ARFIP1: variants seen among roughly 807,000 people sequenced by gnomAD.
The protein encoded by ARFIP1 is arfaptin-1.
ARFIP1 carries 24 observed loss-of-function variants against 42.5 expected under a neutral mutation model. The ratio of observed to expected loss-of-function variants is 0.57; its 90% confidence interval spans 0.41 to 0.80. ARFIP1 has a LOEUF of 0.80. Ranked by LOEUF, ARFIP1 falls within the 30% of genes least tolerant of loss-of-function variation. The pLI, the probability that ARFIP1 is intolerant of heterozygous loss-of-function variation, is 0.00. For missense variants in ARFIP1, 354 were observed against 434.0 expected (o/e 0.82, Z 1.64); for synonymous variants, 141 against 153.7 (o/e 0.92, Z 0.61).
intron 8 of ARFIP1, among the ~76,000 whole-genome samples, chr4:152,904,458 G>A (rs1738134106): frequency 6.6e-6 from 1 of 151,932 alleles, no homozygotes; most frequent in Admixed American, 6.6e-5. Flanking sequence ...CCAAAGTGCT[G>A]GGATTATAGG....
At chr4:152,856,368 C>T (rs2149871119) in intron 2 of ARFIP1, among the ~76,000 whole-genome samples, 1 of 152,238 alleles carries the variant, frequency 6.6e-6, no homozygotes, top group African/African-American at 2.4e-5. Flanking sequence ...TTCTGTATCC[C>T]AGGGTCCACA....
chr4:152,819,536 G>T (rs1169333748), intron 1 of ARFIP1, among the ~76,000 whole-genome samples: 1 of 152,150 alleles, frequency 6.6e-6, no homozygotes, highest in African/African-American at 2.4e-5. Flanking sequence ...GAGTATGGCA[G>T]CTTCACTGGG....
At chr4:152,897,748 A>G (rs545559922) in intron 8 of ARFIP1, among the ~76,000 whole-genome samples, 1 of 152,246 alleles carries the variant, frequency 6.6e-6, no homozygotes, top group African/African-American at 2.4e-5. Flanking sequence ...CAGGTTTGTG[A>G]TAAAGGTGAG....
chr4:152,785,916 A>G (rs1213863625), intron 1 of ARFIP1, among the ~76,000 whole-genome samples: 4 of 152,220 alleles, frequency 2.6e-5, no homozygotes, highest in Non-Finnish European at 5.9e-5. Context: ...TGGACAGTGC[A>G]AATTTAGAAC....
intron 2 of ARFIP1, among the ~76,000 whole-genome samples, chr4:152,843,701 A>G (rs1732295671): frequency 6.6e-6 from 1 of 152,050 alleles, no homozygotes; most frequent in Admixed American, 6.6e-5. Context: ...AAGTGGGGGA[A>G]AGCCGGCAGT....
intron 2 of ARFIP1, 71 bp downstream of exon 2, chr4:152,829,797 A>G: frequency 1.6e-6 from 2 of 1,214,390 alleles, no homozygotes; most frequent in Admixed American, 4.6e-5. Flanking sequence ...TGAAAGTAAT[A>G]GACAAAATTT....
chr4:152,867,677 C>T (rs1389846900), intron 3 of ARFIP1, among the ~76,000 whole-genome samples: 1 of 151,970 alleles, frequency 6.6e-6, no homozygotes, highest in Non-Finnish European at 1.5e-5. Context: ...ATCAGTTGGC[C>T]ATCATGAACT....
At chr4:152,891,056 G>A (rs1736805651) in intron 8 of ARFIP1, among the ~76,000 whole-genome samples, 1 of 152,154 alleles carries the variant, frequency 6.6e-6, no homozygotes, top group South Asian at 2.1e-4. Flanking sequence ...ATGGCTCCTT[G>A]CTATATCCTC....
rs969583343 is a variant in ARFIP1 at position 152,807,584 on chromosome 4, C to T, written c.-9-22041C>T. 5.9e-5 allele frequency among the ~76,000 whole-genome samples: 9 copies of T among 151,962 alleles called. No homozygotes were observed. In the South Asian group the frequency reaches 8.3e-4, roughly 14 times the overall value. The stretch of plus-strand genomic sequence containing the variant: ...CTTTCATTTGTGAAGTGTTCTGTTA[C>T]GTTTTGGCCATTTTTCATTTGTGTT... On this transcript the variant is annotated intron_variant, in intron 1 of 8. Coordinates refer to ENST00000353617, the MANE Select transcript of ARFIP1 (RefSeq NM_001025595.3).
intron 1 of ARFIP1, among the ~76,000 whole-genome samples, chr4:152,799,156 T>A (rs570911306): frequency 2.6e-5 from 4 of 152,362 alleles, no homozygotes; most frequent in South Asian, 2.1e-4. Context: ...TTTTTACATT[T>A]TGCCAAATAA....
intron 8 of ARFIP1, among the ~76,000 whole-genome samples, chr4:152,895,667 C>T (rs529826210): frequency 3.3e-5 from 5 of 149,476 alleles, no homozygotes; most frequent in African/African-American, 1.2e-4. Context: ...CTCAAGCACT[C>T]CTCCCACCTC....
rs72968478 is a variant in ARFIP1 at position 152,898,905 on chromosome 4, A to G, written c.966+10598A>G. Among the ~76,000 whole-genome samples the G allele has an allele frequency of 9.1e-3, 1,392 of 152,316 alleles. 15 individuals carry two copies. The highest frequency in any genetic ancestry group is 0.03 in the African/African-American group (1,247 of 41,564). The stretch of plus-strand genomic sequence containing the variant: ...ACTACTTACAGGCTTTTTGAAAAGA[A>G]GAGTAATTGTTTTGTCCTAACAAAT... On this transcript the variant is annotated intron_variant, in intron 8 of 8. Transcript: ENST00000353617.
At chr4:152,816,111 G>A (rs1314176619) in intron 1 of ARFIP1, among the ~76,000 whole-genome samples, 2 of 152,112 alleles carry the variant, frequency 1.3e-5, no homozygotes, top group African/African-American at 4.8e-5. Flanking sequence ...CTCTTGCCTA[G>A]ACTATTCCAG....
chr4:152,903,899 T>A lies in ARFIP1; in HGVS notation c.967-6165T>A, dbSNP rs191569702. On this transcript the variant is annotated intron_variant, in intron 8 of 8. Coordinates refer to ENST00000353617, the MANE Select transcript of ARFIP1 (RefSeq NM_001025595.3). The stretch of plus-strand genomic sequence containing the variant: ...CATTTGCAGGGCTAGTTAAAAATTT[T>A]TGGATGCCCTTCCCACTTTCTTTCT... Among the ~76,000 whole-genome samples, 3 of 152,240 alleles carry A rather than the reference T, an allele frequency of 2.0e-5. No individual in the cohort carries two copies. The East Asian group carries it at 5.8e-4, about 29-fold the overall frequency.
intron 2 of ARFIP1, among the ~76,000 whole-genome samples, chr4:152,861,255 G>A (rs934271868): frequency 2.6e-5 from 4 of 152,168 alleles, no homozygotes; most frequent in Admixed American, 2.6e-4. Flanking sequence ...GTAGAGAAAA[G>A]CATGACTCCA....
chr4:152,881,094 A>G lies in ARFIP1; in HGVS notation c.543A>G (p.Thr181=), dbSNP rs533435202. 2.4e-5 allele frequency: 38 copies of G among 1,613,988 alleles called. No homozygotes were observed. Among genetic ancestry groups the G allele is most frequent in the African/African-American group, 4.0e-5 (3 of 75,050 alleles). The change falls in exon 6 of 9, where the codon ACA becomes ACG. Residue 181 remains threonine, a synonymous_variant. Transcript: ENST00000353617. ...AAAATATTTTAAAACTGGCTCAAAC[A>G]TTGTCGACCCAGCTTTTCCAGATGG... is the stretch of plus-strand genomic sequence containing the variant. ...KYENILKLAQ[T]LSTQLFQMVH...
chr4:152,815,137 G>C (rs765384024), intron 1 of ARFIP1, among the ~76,000 whole-genome samples: 3 of 151,952 alleles, frequency 2.0e-5, no homozygotes, highest in Non-Finnish European at 4.4e-5. Flanking sequence ...CTGTATCTCA[G>C]ATTTTGGGAT....
In ARFIP1 at chr4:152,836,055, C is replaced by G. The variant is rs184635103; in HGVS notation, c.93+6329C>G. Reference sequence around the variant, plus strand: ...TGATCCAGTCACCTCCCTCCTAGCACCATCTCCAACATTGAGAATCACATT... The same window carrying G: ...TGATCCAGTCACCTCCCTCCTAGCAGCATCTCCAACATTGAGAATCACATT... On this transcript the variant is annotated intron_variant, in intron 2 of 8. Coordinates refer to ENST00000353617, the MANE Select transcript of ARFIP1 (RefSeq NM_001025595.3). Among the ~76,000 whole-genome samples, 242 of 152,280 alleles carry G rather than the reference C, an allele frequency of 1.6e-3. 1 individual carries two copies. Among genetic ancestry groups the G allele is most frequent in the Non-Finnish European group, 2.4e-3 (162 of 68,004 alleles).
At chr4:152,783,825 TAA>T (rs1266225435) in intron 1 of ARFIP1, among the ~76,000 whole-genome samples, 3 of 152,050 alleles carry the variant, frequency 2.0e-5, no homozygotes, top group Non-Finnish European at 4.4e-5. Flanking sequence ...GGGATGGATA[TAA>T]GTCTCTGGTG....
Sources: allele counts gnomAD v4.1 joint callset (sites outside exome capture counted in the v4.1 genomes callset), GRCh38; gene constraint gnomAD v4.1.1; transcripts MANE v1.5; gene names NCBI Gene and HGNC (gene_info 2026-07-23, HGNC 2026-07-21).